MORC1: variants seen among roughly 807,000 people sequenced by gnomAD.
MORC1 encodes MORC family CW-type zinc finger protein 1.
In MORC1, 59 loss-of-function variants were observed where a neutral mutation model predicts 134.9. The observed-to-expected ratio is 0.44, with a 90% CI of 0.35 to 0.54. The LOEUF (loss-of-function observed/expected upper bound fraction) is 0.54, where lower values mean the gene tolerates loss of function less well. Ranked by LOEUF, MORC1 falls within the 20% of genes least tolerant of loss-of-function variation. The probability of loss-of-function intolerance (pLI) is 0.00; values close to 1 mark genes in which losing one functional copy is unlikely to be tolerated. For missense variants in MORC1, 947 were observed against 1,134.5 expected, an observed-to-expected ratio of 0.83 and a Z score of 2.37; for synonymous variants, 395 against 391.7, an observed-to-expected ratio of 1.01 and a Z score of -0.10.
intron 17 of MORC1, among the ~76,000 whole-genome samples, chr3:109,022,880 A>G (rs1948991348): frequency 6.6e-6 from 1 of 152,242 alleles, no homozygotes; most frequent in Admixed American, 6.5e-5. Context: ...AAAAGCATAT[A>G]GTCTGATATG....
At chr3:109,046,123 T>C (rs1292766348) in intron 14 of MORC1, among the ~76,000 whole-genome samples, 4 of 152,238 alleles carry the variant, frequency 2.6e-5, no homozygotes, top group Non-Finnish European at 5.9e-5. Context: ...CATATAGATG[T>C]ATGAGGCATA....
intron 14 of MORC1, among the ~76,000 whole-genome samples, chr3:109,053,694 A>C (rs1172478270): frequency 2.0e-5 from 3 of 152,174 alleles, no homozygotes; most frequent in African/African-American, 7.2e-5. Context: ...CAGGGTGACA[A>C]GTTTAGTCAT....
chr3:109,103,195 G>T (rs1338599779), intron 4 of MORC1, among the ~76,000 whole-genome samples: 1 of 152,120 alleles, frequency 6.6e-6, no homozygotes, highest in Non-Finnish European at 1.5e-5. Context: ...CATGTTTAAA[G>T]AATTCAGAAA....
intron 17 of MORC1, among the ~76,000 whole-genome samples, chr3:109,008,677 TTTC>T (rs906708285): frequency 4.9e-5 from 6 of 121,662 alleles, no homozygotes; most frequent in African/African-American, 2.0e-4. Context: ...TACATTGTAT[TTTC>T]TTTTTTTCTG....
chr3:108,964,102 GA>G (rs1429544770), intron 26 of MORC1, among the ~76,000 whole-genome samples: 1 of 152,184 alleles, frequency 6.6e-6, no homozygotes, highest in Non-Finnish European at 1.5e-5. Flanking sequence ...ACTACAGAAA[GA>G]GGAATTCCTG....
Position 108,958,904 on chromosome 3 carries a change from T to G in MORC1, c.*61A>C, listed in dbSNP as rs923390764. On this transcript the variant is annotated 3_prime_UTR_variant, in exon 28 of 28. Coordinates refer to ENST00000232603, the MANE Select transcript of MORC1 (RefSeq NM_014429.4). ...AGTAACAACAACAAAAAAGAAAAAT[T>G]TTTAAAAGAATCTTCCAATTTTCTT... The G allele has an allele frequency of 2.6e-5, 32 of 1,253,898 alleles. No homozygotes were observed. The African/African-American group carries it at 4.3e-4, about 17-fold the overall frequency. 77.7% of individuals were successfully genotyped at this position (1,253,898 alleles called of 1,614,324 possible). A position where few individuals can be genotyped will look rare whatever the true frequency, so the allele number is the denominator to read the frequency against.
At chr3:109,069,142 G>C (rs1471634573) in intron 9 of MORC1, among the ~76,000 whole-genome samples, 2 of 152,122 alleles carry the variant, frequency 1.3e-5, no homozygotes, top group Non-Finnish European at 2.9e-5. Flanking sequence ...GGTGACAAGA[G>C]AGACTCTGTC....
intron 3 of MORC1, among the ~76,000 whole-genome samples, chr3:109,106,197 C>T (rs570451704): frequency 2.0e-5 from 3 of 152,280 alleles, no homozygotes; most frequent in African/African-American, 7.2e-5. Context: ...TTGGGAATCA[C>T]CTGATGCAAA....
chr3:109,090,620 C>CA (rs34093019), intron 8 of MORC1, among the ~76,000 whole-genome samples: 7,497 of 54,388 alleles, frequency 0.14, 486 homozygotes, highest in Non-Finnish European at 0.21. Context: ...AACTCCGTCT[C>CA]AAAAAAAAAA....
At chr3:108,971,591 AGGTG>A (rs1283508003) in intron 24 of MORC1, among the ~76,000 whole-genome samples, 189 bp from the exon 25 acceptor site, 6 of 152,174 alleles carry the variant, frequency 3.9e-5, no homozygotes, top group Non-Finnish European at 5.9e-5. Context: ...GGGGAGAGGA[AGGTG>A]GGTGTGGCTA....
chr3:108,972,235 C>G (rs190746015), intron 24 of MORC1, among the ~76,000 whole-genome samples: 2 of 151,856 alleles, frequency 1.3e-5, no homozygotes, highest in East Asian at 3.9e-4. Context: ...ATATTTCATT[C>G]CTGGGAGAAT....
chr3:109,064,788 A>C (rs1234783559), intron 9 of MORC1, among the ~76,000 whole-genome samples: 1 of 152,134 alleles, frequency 6.6e-6, no homozygotes, highest in Non-Finnish European at 1.5e-5. Flanking sequence ...CAGGATCAAT[A>C]ATTTTCTGGT....
chr3:108,971,793 G>T (rs903026884), intron 24 of MORC1, among the ~76,000 whole-genome samples: 2 of 139,524 alleles, frequency 1.4e-5, no homozygotes, highest in East Asian at 5.1e-4. Context: ...AAATAAAAAG[G>T]TTACTGAAAG....
At chr3:108,987,635 A>G (rs1482032371) in intron 21 of MORC1, among the ~76,000 whole-genome samples, 1 of 151,638 alleles carries the variant, frequency 6.6e-6, no homozygotes, top group African/African-American at 2.4e-5. Context: ...AGAGGGTGGG[A>G]GTGGATGGGG....
chr3:109,054,962 A>ATT, intron 13 of MORC1, 80 bp from the exon 14 acceptor site: 22 of 1,183,634 alleles, frequency 1.9e-5, no homozygotes, highest in African/African-American at 6.4e-5. Flanking sequence ...ATTTGAAATC[A>ATT]TTTTTTTTTT....
chr3:109,020,639 G>A (rs1948934257), intron 17 of MORC1, among the ~76,000 whole-genome samples: 3 of 151,878 alleles, frequency 2.0e-5, no homozygotes, highest in South Asian at 4.2e-4. Flanking sequence ...GGTGGCGGGT[G>A]CCTGTGGTCC....
intron 6 of MORC1, among the ~76,000 whole-genome samples, chr3:109,095,408 A>G (rs970832818): frequency 2.6e-5 from 4 of 152,224 alleles, no homozygotes; most frequent in African/African-American, 9.6e-5. Context: ...AGCCCAAGCC[A>G]GAAAGCAGAG....
rs1187588073 is a variant in MORC1, at chr3:109,031,670, AAAG to A, written c.1565+1047_1565+1049del. On this transcript the variant is annotated intron_variant, in intron 16 of 27. Coordinates refer to ENST00000232603, the MANE Select transcript of MORC1 (RefSeq NM_014429.4). ...GTTTTAATTCTCATTTTTCCAAAAT[AAAG>A]AAGAATAGAACAGTGTTTTATAATC... 6.6e-5 allele frequency among the ~76,000 whole-genome samples: 10 copies of A among 152,320 alleles called. No homozygotes were observed. The South Asian group carries it at 1.9e-3, about 28-fold the overall frequency.
intron 17 of MORC1, among the ~76,000 whole-genome samples, chr3:109,014,140 G>A (rs898162626): frequency 6.6e-6 from 1 of 152,068 alleles, no homozygotes; most frequent in Non-Finnish European, 1.5e-5. Flanking sequence ...GTTGCTCTTA[G>A]AAGACTTTCA....
Sources: allele counts gnomAD v4.1 joint callset (sites outside exome capture counted in the v4.1 genomes callset), GRCh38; gene constraint gnomAD v4.1.1; transcripts MANE v1.5; gene names NCBI Gene and HGNC (gene_info 2026-07-23, HGNC 2026-07-21).